CLASP1: variants seen among roughly 807,000 people sequenced by gnomAD.
CLASP1 encodes the protein CLIP-associating protein 1.
CLASP1 carries 38 observed loss-of-function variants against 192.3 expected under a neutral mutation model. The observed-to-expected ratio is 0.20, with a 90% CI of 0.15 to 0.26. The LOEUF (loss-of-function observed/expected upper bound fraction) is 0.26. CLASP1 is among the 10% of genes least tolerant of loss of function. The pLI is 1.00. For synonymous variants in CLASP1, 691 were observed against 712.8 expected, an observed-to-expected ratio of 0.97 and a Z score of 0.49; for missense variants, 1,433 against 1,932.5, an observed-to-expected ratio of 0.74 and a Z score of 4.85.
chr2:121,423,370 T>C (rs1403051419), intron 22 of CLASP1, among the ~76,000 whole-genome samples: 1 of 152,154 alleles, frequency 6.6e-6, no homozygotes, highest in Non-Finnish European at 1.5e-5. Context: ...TCTTTTCAAC[T>C]ACACACAACA....
chr2:121,566,417 C>T (rs1305802851), intron 2 of CLASP1, among the ~76,000 whole-genome samples: 1 of 152,172 alleles, frequency 6.6e-6, no homozygotes, highest in Non-Finnish European at 1.5e-5. Flanking sequence ...AAAACGTAAG[C>T]AATAAGTGGA....
At chr2:121,459,008 A>T (rs1361565066) in intron 12 of CLASP1, 33 bp from the exon 13 acceptor site, 1 of 1,528,262 alleles carries the variant, frequency 6.5e-7, no homozygotes, top group South Asian at 1.3e-5. Flanking sequence ...GACTATAGTT[A>T]TTTTTCTTAG....
intron 39 of CLASP1, among the ~76,000 whole-genome samples, chr2:121,346,703 CTAAGCAAGCA>C (rs1414694402): frequency 1.3e-5 from 2 of 152,222 alleles, no homozygotes. Context: ...TCAGCAACTG[CTAAGCAAGCA>C]GGTAAATTTC....
chr2:121,575,180 C>T (rs1027575909), intron 2 of CLASP1, among the ~76,000 whole-genome samples: 1 of 151,892 alleles, frequency 6.6e-6, no homozygotes, highest in African/African-American at 2.4e-5. Context: ...GGCGCGATCT[C>T]GGCTCACTGC....
intron 1 of CLASP1, among the ~76,000 whole-genome samples, chr2:121,626,108 A>T (rs1483072181): frequency 6.6e-6 from 1 of 152,004 alleles, no homozygotes; most frequent in Non-Finnish European, 1.5e-5. Context: ...CAAAAAAAAA[A>T]AAAAGAGAGA....
intron 2 of CLASP1, among the ~76,000 whole-genome samples, chr2:121,582,392 G>A (rs939339278): frequency 1.3e-5 from 2 of 148,438 alleles, no homozygotes; most frequent in Non-Finnish European, 3.0e-5. Context: ...ATGGATGGAT[G>A]GATGAATGGA....
At chr2:121,339,992 G>C (rs183331683) in exon 40 of CLASP1, 1 of 152,208 alleles carries the variant, frequency 6.6e-6, no homozygotes, top group Non-Finnish European at 1.5e-5. Context: ...GGTCTTGGCA[G>C]AGCCCCCATG....
At chr2:121,592,854 G>C (rs879617305) in intron 2 of CLASP1, among the ~76,000 whole-genome samples, 1 of 152,034 alleles carries the variant, frequency 6.6e-6, no homozygotes, top group Non-Finnish European at 1.5e-5. Context: ...GGGTTTCACC[G>C]TGCTAGCCAG....
chr2:121,531,092 G>C (rs80023116), intron 2 of CLASP1: 8 of 655,698 alleles, frequency 1.2e-5, no homozygotes, highest in Admixed American at 2.1e-5. Context: ...ACCAGTAGAG[G>C]GTGCACAAGA....
At chr2:121,533,527 CT>C (rs1351701162) in intron 2 of CLASP1, among the ~76,000 whole-genome samples, 1 of 152,128 alleles carries the variant, frequency 6.6e-6, no homozygotes, top group East Asian at 1.9e-4. Flanking sequence ...TTTTTTCCCC[CT>C]ATTTCTGCTT....
intron 36 of CLASP1, among the ~76,000 whole-genome samples, chr2:121,363,812 C>T (rs2066861759): frequency 6.6e-6 from 1 of 152,172 alleles, no homozygotes; most frequent in Non-Finnish European, 1.5e-5. Flanking sequence ...TGGGTGTGTA[C>T]AGGCCTCGAG....
At chr2:121,504,645 G>A (rs578251601) in intron 7 of CLASP1, among the ~76,000 whole-genome samples, 1 of 152,184 alleles carries the variant, frequency 6.6e-6, no homozygotes, top group East Asian at 1.9e-4. Context: ...GCCCAACACC[G>A]AGCTAGTGAG....
At chr2:121,370,969 C>A (rs373620358) in intron 34 of CLASP1, among the ~76,000 whole-genome samples, 2 of 152,188 alleles carry the variant, frequency 1.3e-5, no homozygotes, top group South Asian at 2.1e-4. Flanking sequence ...TGAGAAGCCA[C>A]AACTCACACA....
At chr2:121,506,778 C>T (rs971415077) in intron 7 of CLASP1, among the ~76,000 whole-genome samples, 4 of 152,192 alleles carry the variant, frequency 2.6e-5, no homozygotes, top group African/African-American at 9.7e-5. Context: ...GGGAGACTTA[C>T]TGGTTCAACA....
At chr2:121,459,835 T>A in intron 12 of CLASP1, 145 bp downstream of exon 12, 1 of 611,298 alleles carries the variant, frequency 1.6e-6, no homozygotes, top group Non-Finnish European at 2.5e-6. Flanking sequence ...GTAAAACTAC[T>A]GAAAGAAGTG....
chr2:121,535,182 G>A (rs1183015877), intron 2 of CLASP1, among the ~76,000 whole-genome samples: 1 of 152,234 alleles, frequency 6.6e-6, no homozygotes, highest in Non-Finnish European at 1.5e-5. Flanking sequence ...TGCTCGGGAG[G>A]CTGAGGTGGG....
At chr2:121,389,912 G>C (rs1262742522) in intron 30 of CLASP1, among the ~76,000 whole-genome samples, 1 of 152,088 alleles carries the variant, frequency 6.6e-6, no homozygotes, top group African/African-American at 2.4e-5. Context: ...GCCCAGGCTG[G>C]AGTGCAGTAG....
chr2:121,577,761 G>A (rs1389443449), intron 2 of CLASP1, among the ~76,000 whole-genome samples: 1 of 152,104 alleles, frequency 6.6e-6, no homozygotes, highest in African/African-American at 2.4e-5. Context: ...CACAAGATCT[G>A]GCATATAACT....
At chr2:121,502,780 T>C (rs2093799899) in intron 8 of CLASP1, among the ~76,000 whole-genome samples, 1 of 152,118 alleles carries the variant, frequency 6.6e-6, no homozygotes, top group African/African-American at 2.4e-5. Context: ...ATTACTCTGG[T>C]TGCTATATGA....
Sources: allele counts gnomAD v4.1 joint callset (sites outside exome capture counted in the v4.1 genomes callset), GRCh38; gene constraint gnomAD v4.1.1; transcripts MANE v1.5; gene names NCBI Gene and HGNC (gene_info 2026-07-23, HGNC 2026-07-21).